Variants in SND1 observed in about 807,000 individuals in gnomAD.
The protein encoded by SND1 is staphylococcal nuclease and tudor domain containing 1.
SND1 carries 38 observed loss-of-function variants against 121.7 expected under a neutral mutation model. That is an observed-to-expected ratio of 0.31 (90% CI 0.24 to 0.41). SND1 has a LOEUF of 0.41. Ranked by LOEUF, SND1 falls within the 10% of genes least tolerant of loss-of-function variation. The pLI, the probability that SND1 is intolerant of heterozygous loss-of-function variation, is 1.00. For missense variants in SND1, 868 were observed against 1,184.6 expected (o/e 0.73, Z 3.92); for synonymous variants, 401 against 447.4 (o/e 0.90, Z 1.31).
chr7:127,813,757 T>A (rs1798375606), intron 11 of SND1, among the ~76,000 whole-genome samples: 1 of 152,124 alleles, frequency 6.6e-6, no homozygotes, highest in African/African-American at 2.4e-5. Context: ...GAGATGGGGT[T>A]TCACCATGTT....
chr7:128,009,655 A>G (rs534691613), intron 16 of SND1, among the ~76,000 whole-genome samples: 2 of 152,360 alleles, frequency 1.3e-5, no homozygotes, highest in South Asian at 2.1e-4. Context: ...ATTAGACAGC[A>G]TAGGACTCTA....
At chr7:127,839,071 C>T (rs1798917830) in intron 11 of SND1, among the ~76,000 whole-genome samples, 1 of 152,182 alleles carries the variant, frequency 6.6e-6, no homozygotes, top group African/African-American at 2.4e-5. Context: ...GGGAACCAGT[C>T]ACTGCAGCCT....
intron 15 of SND1, among the ~76,000 whole-genome samples, chr7:127,943,439 T>G (rs1378324052): frequency 6.6e-6 from 1 of 152,230 alleles, no homozygotes; most frequent in African/African-American, 2.4e-5. Flanking sequence ...ATCTCTGTAT[T>G]TATCCTACGA....
intron 11 of SND1, among the ~76,000 whole-genome samples, chr7:127,815,892 A>G (rs990704980): frequency 3.9e-5 from 6 of 152,144 alleles, no homozygotes; most frequent in African/African-American, 1.4e-4. Context: ...TCTGTGAGAT[A>G]GGGTTTGATA....
intron 10 of SND1, among the ~76,000 whole-genome samples, chr7:127,738,559 G>C (rs1796821690): frequency 6.6e-6 from 1 of 152,256 alleles, no homozygotes; most frequent in South Asian, 2.1e-4. Flanking sequence ...GATTACAGGT[G>C]TGGGCCAGTG....
At chr7:127,886,757 T>C (rs1393387671) in intron 12 of SND1, among the ~76,000 whole-genome samples, 2 of 151,198 alleles carry the variant, frequency 1.3e-5, no homozygotes, top group Non-Finnish European at 2.9e-5. Context: ...TGTCTGCATA[T>C]CATTTCCCAT....
chr7:128,032,653 AC>A (rs901979334), intron 16 of SND1, among the ~76,000 whole-genome samples: 2 of 150,428 alleles, frequency 1.3e-5, no homozygotes, highest in African/African-American at 4.9e-5. Flanking sequence ...CGTCATCCTC[AC>A]CCCCGCTGAC....
intron 16 of SND1, among the ~76,000 whole-genome samples, chr7:128,016,145 CTT>C (rs71312836): frequency 6.2e-5 from 9 of 144,288 alleles, no homozygotes; most frequent in Admixed American, 6.8e-5. Context: ...GAACAACTTC[CTT>C]TTTTTTTTTT....
chr7:127,919,406 T>C (rs1053722591), intron 14 of SND1, among the ~76,000 whole-genome samples: 1 of 152,234 alleles, frequency 6.6e-6, no homozygotes, highest in African/African-American at 2.4e-5. Flanking sequence ...AATTTTTTAC[T>C]CTGCACATTT....
chr7:127,654,034 G>C (rs902124568), intron 1 of SND1, among the ~76,000 whole-genome samples: 11 of 152,232 alleles, frequency 7.2e-5, no homozygotes. Flanking sequence ...GGGTTTGGCA[G>C]TAAGAAAGAG....
chr7:127,831,361 G>A (rs1336519902), intron 11 of SND1, among the ~76,000 whole-genome samples: 3 of 152,176 alleles, frequency 2.0e-5, no homozygotes. Context: ...CTGCAGCTAG[G>A]TATAACAAAC....
chr7:127,898,282 G>A (rs1054307380), intron 13 of SND1, among the ~76,000 whole-genome samples: 5 of 151,894 alleles, frequency 3.3e-5, no homozygotes, highest in Admixed American at 6.6e-5. Context: ...TCATTAGTCC[G>A]CCCACCTCCC....
rs1792531871 is a variant in SND1, at chr7:128,029,977, C to T, written c.1779+38921C>T. On this transcript the variant is annotated intron_variant, in intron 16 of 23. Transcript: ENST00000354725. The surrounding 1 kb of genome is among the most constrained non-coding windows in gnomAD (Gnocchi z 4.2). The stretch of plus-strand genomic sequence containing the variant: ...AAGTGGTTCCCTGACATCTCCAGCT[C>T]CTCCAGCCCCACCAGGGGGGTGAGA... 1.2e-6 allele frequency: 2 copies of T among 1,613,040 alleles called. No homozygotes were observed. Among genetic ancestry groups the T allele is most frequent in the South Asian group, 1.1e-5 (1 of 91,086 alleles).
chr7:127,951,942 T>G (rs142859784), intron 15 of SND1, among the ~76,000 whole-genome samples: 1 of 152,300 alleles, frequency 6.6e-6, no homozygotes, highest in East Asian at 1.9e-4. Context: ...TAAAAAGAGG[T>G]AGCTCCTATT....
intron 10 of SND1, among the ~76,000 whole-genome samples, chr7:127,764,564 TTGACACCGA>T (rs1410306036): frequency 6.6e-6 from 1 of 152,238 alleles, no homozygotes; most frequent in African/African-American, 2.4e-5. Flanking sequence ...AATCAGAACT[TTGACACCGA>T]TGTGGCAGGC....
chr7:128,092,436 C>A lies in SND1; in HGVS notation c.*378C>A. Reference sequence around the variant, plus strand: ...CGCCAGCTGGCACCTGCCTCTATCCCAGACTGCCCTCGTCCCAGCTCTCTG... The same window carrying A: ...CGCCAGCTGGCACCTGCCTCTATCCAAGACTGCCCTCGTCCCAGCTCTCTG... On this transcript the variant is annotated 3_prime_UTR_variant, in exon 24 of 24. Transcript: ENST00000354725. The surrounding 1 kb of genome is among the most constrained non-coding windows in gnomAD (Gnocchi z 4.9). 1 of 249,804 alleles carries A rather than the reference C, an allele frequency of 4.0e-6. No homozygotes were observed. The highest frequency in any genetic ancestry group is 2.2e-5 in the African/African-American group (1 of 45,510). 15.5% of individuals were successfully genotyped at this position (249,804 alleles called of 1,614,324 possible). A position where few individuals can be genotyped will look rare whatever the true frequency, so the allele number is the denominator to read the frequency against.
intron 13 of SND1, among the ~76,000 whole-genome samples, chr7:127,893,217 C>T (rs902164896): frequency 6.6e-6 from 1 of 151,970 alleles, no homozygotes; most frequent in African/African-American, 2.4e-5. Context: ...TTTGGAGAGG[C>T]CAGAATGTGA....
intron 16 of SND1, chr7:128,028,763 A>G: frequency 1.2e-6 from 2 of 1,614,060 alleles, no homozygotes; most frequent in East Asian, 2.2e-5. Flanking sequence ...TGGGGTGCAG[A>G]GAGTTCCCCA....
intron 16 of SND1, among the ~76,000 whole-genome samples, chr7:128,026,770 A>C (rs936116521): frequency 1.3e-5 from 2 of 152,196 alleles, no homozygotes; most frequent in African/African-American, 4.8e-5. Context: ...CCAGGAGCTG[A>C]GGCTGACCCA....
Sources: allele counts gnomAD v4.1 joint callset (sites outside exome capture counted in the v4.1 genomes callset), GRCh38; gene constraint gnomAD v4.1.1; non-coding constraint Gnocchi (gnomAD v3.1); transcripts MANE v1.5; gene names NCBI Gene and HGNC (gene_info 2026-07-23, HGNC 2026-07-21).